Variants in PRMT8 observed in about 807,000 individuals in gnomAD.
PRMT8 encodes the protein protein arginine methyltransferase 8.
PRMT8 carries 7 observed loss-of-function variants against 47.1 expected under a neutral mutation model. The observed-to-expected ratio is 0.15, with a 90% CI of 0.08 to 0.28. PRMT8 has a LOEUF of 0.28. PRMT8 is among the 10% of genes least tolerant of loss of function. PRMT8 has a pLI of 1.00. For missense variants in PRMT8, 237 were observed against 505.4 expected (o/e 0.47, Z 5.09); for synonymous variants, 188 against 186.5 (o/e 1.01, Z -0.07).
chr12:3,494,716 G>A (rs1325055198), intron 1 of PRMT8, among the ~76,000 whole-genome samples: 1 of 152,198 alleles, frequency 6.6e-6, no homozygotes. Flanking sequence ...TTTGACCAAA[G>A]CCTCCCTCCA....
chr12:3,490,525 G>A (rs1865369132), upstream of PRMT8, among the ~76,000 whole-genome samples: 3 of 147,256 alleles, frequency 2.0e-5, no homozygotes, highest in South Asian at 2.2e-4. Context: ...GTGGGCAGGG[G>A]GCTGCCAGGG....
chr12:3,545,249 G>T (rs534921436), intron 2 of PRMT8, among the ~76,000 whole-genome samples: 2 of 152,192 alleles, frequency 1.3e-5, no homozygotes, highest in Non-Finnish European at 2.9e-5. Context: ...ATCTGAATGC[G>T]GGAATTTGGG....
chr12:3,491,357 G>T lies in PRMT8; in HGVS notation c.-269G>T. ...CCCTCGAGCTTAGCCCGCAGCGCGG[G>T]TGGAGAGGGGCGGGGAGGGGGTCGG... On this transcript the variant is annotated 5_prime_UTR_variant, in exon 1 of 10. Transcript: ENST00000382622. 1 of 1,184,592 alleles carries T rather than the reference G, an allele frequency of 8.4e-7. No homozygotes were observed. The highest frequency in any genetic ancestry group is 1.0e-6 in the Non-Finnish European group (1 of 955,852). The allele number at this position is 1,184,592 out of a possible 1,614,324, so 73.4% of individuals were successfully genotyped here.
At chr12:3,442,509 G>A (rs900519995) in intron 1 of PRMT8, among the ~76,000 whole-genome samples, 2 of 152,114 alleles carry the variant, frequency 1.3e-5, no homozygotes, top group Non-Finnish European at 1.5e-5. Flanking sequence ...CTCCTGGTGC[G>A]GCTGCCTGTT....
In PRMT8 at chr12:3,574,077, T is replaced by A. The variant is rs138015373; in HGVS notation, c.713-2794T>A. ...GAGATAAGACCCAAATTAACCCATA[T>A]AAAGGTAACTAAAACACCAGGCATT... On this transcript the variant is annotated intron_variant, in intron 6 of 9. Transcript: ENST00000382622. The A allele has an allele frequency of 1.4e-3, 219 of 152,286 alleles. 1 individual carries two copies. The highest frequency in any genetic ancestry group is 5.1e-3 in the African/African-American group (211 of 41,556). 9.4% of individuals were successfully genotyped at this position (152,286 alleles called of 1,614,324 possible). A position where few individuals can be genotyped will look rare whatever the true frequency, so the allele number is the denominator to read the frequency against.
chr12:3,557,770 G>A lies in PRMT8; in HGVS notation c.481+4056G>A, dbSNP rs991151337. Among the ~76,000 whole-genome samples, 1 of 152,124 alleles carries A rather than the reference G, an allele frequency of 6.6e-6. No homozygotes were observed. The highest frequency in any genetic ancestry group is 1.5e-5 in the Non-Finnish European group (1 of 68,008). On this transcript the variant is annotated intron_variant, in intron 4 of 9. Coordinates refer to ENST00000382622, the MANE Select transcript of PRMT8 (RefSeq NM_019854.5). This position sits in a 1 kb window ranked among gnomAD's most constrained non-coding sequence, Gnocchi z 4.7. ...GCCCTTTGCTAAGGTGTGTTTGTGTGGATGCAGAAGCACCAGGAGTGCTGC... is the reference window on the plus strand; with the variant it reads ...GCCCTTTGCTAAGGTGTGTTTGTGTAGATGCAGAAGCACCAGGAGTGCTGC...
chr12:3,472,064 C>T (rs1175008001), intron 1 of PRMT8, among the ~76,000 whole-genome samples: 4 of 152,126 alleles, frequency 2.6e-5, no homozygotes, highest in Admixed American at 1.3e-4. Flanking sequence ...CTACAGAGTG[C>T]GTGGGCGGGG....
intron 1 of PRMT8, among the ~76,000 whole-genome samples, chr12:3,403,608 G>A (rs896662923): frequency 1.2e-4 from 19 of 152,022 alleles, no homozygotes; most frequent in Non-Finnish European, 2.2e-4. Flanking sequence ...GGATGAGTGC[G>A]GTGGCTCACG....
rs540043018 is a variant in PRMT8, at chr12:3,574,283, G to A, written c.713-2588G>A. Among the ~76,000 whole-genome samples, 26 of 152,320 alleles carry A rather than the reference G, an allele frequency of 1.7e-4. No homozygotes were observed. In the South Asian group the frequency reaches 3.5e-3, roughly 21 times the overall value. Reference sequence around the variant, plus strand: ...ATGAGACATTAAGATCACCATTTTTGGGACTTGAAGACAGTAAAGATCATG... The same window carrying A: ...ATGAGACATTAAGATCACCATTTTTAGGACTTGAAGACAGTAAAGATCATG... On this transcript the variant is annotated intron_variant, in intron 6 of 9. Transcript: ENST00000382622.
intron 1 of PRMT8, chr12:3,462,686 A>T (rs1447404609): frequency 6.6e-6 from 1 of 151,902 alleles, no homozygotes; most frequent in Non-Finnish European, 1.5e-5. Flanking sequence ...GAGTGTCAGG[A>T]TGGGTCCCAT....
chr12:3,391,535 G>A (rs1306356947), intron 1 of PRMT8, among the ~76,000 whole-genome samples: 3 of 152,212 alleles, frequency 2.0e-5, no homozygotes, highest in Non-Finnish European at 2.9e-5. Context: ...AGAGTTTGGA[G>A]AAGTGACCAG....
intron 8 of PRMT8, among the ~76,000 whole-genome samples, chr12:3,591,902 G>A (rs1213958186): frequency 6.6e-6 from 1 of 152,178 alleles, no homozygotes; most frequent in Non-Finnish European, 1.5e-5. Context: ...ATGCATGTAT[G>A]TCCATGCATT....
intron 1 of PRMT8, among the ~76,000 whole-genome samples, chr12:3,507,026 A>G (rs961875333): frequency 3.3e-5 from 5 of 152,118 alleles, no homozygotes; most frequent in African/African-American, 1.2e-4. Flanking sequence ...TATAAGGGGA[A>G]GGGCTGTTAA....
intron 1 of PRMT8, among the ~76,000 whole-genome samples, chr12:3,396,156 C>T (rs529485619): frequency 8.5e-5 from 13 of 152,328 alleles, no homozygotes; most frequent in African/African-American, 2.9e-4. Context: ...TGGGTCTTGA[C>T]TCTTTATCCA....
rs113786704 is a variant in PRMT8, at chr12:3,508,063, C to G, written c.75+16363C>G. On this transcript the variant is annotated intron_variant, in intron 1 of 9. Coordinates refer to ENST00000382622, the MANE Select transcript of PRMT8 (RefSeq NM_019854.5). This position sits in a 1 kb window ranked among gnomAD's most constrained non-coding sequence, Gnocchi z 4.9. ...TTATAAATCCCATTTTATAGGCTGG[C>G]CATGAGGATTACATTTGATAATGGG... Among the ~76,000 whole-genome samples the G allele has an allele frequency of 2.6e-5, 4 of 152,216 alleles. No individual in the cohort carries two copies. The highest frequency in any genetic ancestry group is 9.6e-5 in the African/African-American group (4 of 41,522).
intron 1 of PRMT8, among the ~76,000 whole-genome samples, chr12:3,393,419 G>C (rs1321052966): frequency 6.6e-6 from 1 of 151,078 alleles, no homozygotes; most frequent in Non-Finnish European, 1.5e-5. Flanking sequence ...TCCAGTTTCA[G>C]CTTTCTACAT....
intron 1 of PRMT8, among the ~76,000 whole-genome samples, chr12:3,457,495 G>A (rs1864987317): frequency 6.6e-6 from 1 of 151,960 alleles, no homozygotes; most frequent in Non-Finnish European, 1.5e-5. Context: ...TTTTTGTAGA[G>A]ACGGGGTCTC....
intron 8 of PRMT8, among the ~76,000 whole-genome samples, chr12:3,589,081 C>A (rs1355574160): frequency 2.0e-5 from 3 of 152,216 alleles, no homozygotes; most frequent in Non-Finnish European, 4.4e-5. Flanking sequence ...ATATACCACT[C>A]TAATGACCAA....
chr12:3,587,691 GTA>G (rs1324108273), intron 8 of PRMT8, among the ~76,000 whole-genome samples: 1 of 152,150 alleles, frequency 6.6e-6, no homozygotes, highest in African/African-American at 2.4e-5. Flanking sequence ...CCTAAACAAG[GTA>G]TTGTTTGGTC....
Sources: allele counts gnomAD v4.1 joint callset (sites outside exome capture counted in the v4.1 genomes callset), GRCh38; gene constraint gnomAD v4.1.1; non-coding constraint Gnocchi (gnomAD v3.1); transcripts MANE v1.5; gene names NCBI Gene and HGNC (gene_info 2026-07-23, HGNC 2026-07-21).